The following PPARG variants were observed in gnomAD, a reference collection of about 807,000 sequenced individuals.
PPARG encodes peroxisome proliferator activated receptor gamma.
Under a neutral mutation model 39.2 loss-of-function variants are expected in PPARG, and 17 were observed. That is an observed-to-expected ratio of 0.43 (90% CI 0.30 to 0.65). The LOEUF (loss-of-function observed/expected upper bound fraction) is 0.65. Ranked by LOEUF, PPARG falls within the 30% of genes least tolerant of loss-of-function variation. The probability of loss-of-function intolerance (pLI) is 0.13; values close to 1 mark genes in which losing one functional copy is unlikely to be tolerated. For missense variants in PPARG, 406 were observed against 585.9 expected (o/e 0.69, Z 3.17); for synonymous variants, 223 against 215.7 (o/e 1.03, Z -0.30).
At chr3:12,347,304 G>A (rs796902979) in intron 2 of PPARG, among the ~76,000 whole-genome samples, 49 of 152,116 alleles carry the variant, frequency 3.2e-4, no homozygotes, top group African/African-American at 1.2e-3. Context: ...GGGCAACATA[G>A]CAAGACCCCG....
rs2051076789 is a variant in PPARG at position 12,416,839 on chromosome 3, G to A, written c.865G>A (p.Glu289Lys). The A allele has an allele frequency of 6.2e-7, 1 of 1,614,062 alleles. No individual in the cohort carries two copies. The highest frequency in any genetic ancestry group is 1.3e-5 in the African/African-American group (1 of 74,932). The change falls in exon 7 of 8, where the codon GAG (glutamate) becomes AAG (lysine). Residue 289 changes from glutamate (E) to lysine (K), a missense_variant. Physicochemically the swap from Glu to Lys is moderately conservative, Grantham distance 56. Transcript: ENST00000651735. The part of the protein sequence containing the change: ...IFQGCQFRSV[E>K]AVQEITEYAK... Reference sequence around the variant, plus strand: ...TCAGGGCTGCCAGTTTCGCTCCGTGGAGGCTGTGCAGGAGATCACAGAGTA... The same window carrying A: ...TCAGGGCTGCCAGTTTCGCTCCGTGAAGGCTGTGCAGGAGATCACAGAGTA...
At chr3:12,334,541 T>A (rs1458845292) in intron 2 of PPARG, among the ~76,000 whole-genome samples, 1 of 152,042 alleles carries the variant, frequency 6.6e-6, no homozygotes, top group Non-Finnish European at 1.5e-5. Flanking sequence ...CTGACTTGGG[T>A]TAAATTTTTA....
Position 12,398,648 on chromosome 3 carries a change from A to G in PPARG, c.529+5896A>G, listed in dbSNP as rs758392468. 2.6e-5 allele frequency among the ~76,000 whole-genome samples: 4 copies of G among 152,190 alleles called. No individual in the cohort carries two copies. In the South Asian group the frequency reaches 6.2e-4, roughly 24 times the overall value. ...GCACCATCAGAGAGATCTGGAGAGCAGCTGGCAGAATGTTAGAGGACCCAG... is the reference window on the plus strand; with the variant it reads ...GCACCATCAGAGAGATCTGGAGAGCGGCTGGCAGAATGTTAGAGGACCCAG... On this transcript the variant is annotated intron_variant, in intron 5 of 7. Coordinates refer to ENST00000651735, the MANE Select transcript of PPARG (RefSeq NM_138711.6).
intron 2 of PPARG, among the ~76,000 whole-genome samples, chr3:12,341,555 C>G (rs1006680686): frequency 1.3e-5 from 2 of 152,126 alleles, no homozygotes; most frequent in Admixed American, 6.5e-5. Flanking sequence ...TGCCTGTAAT[C>G]CCAGAACTTT....
At chr3:12,429,870 A>T (rs2051596532) in intron 7 of PPARG, among the ~76,000 whole-genome samples, 1 of 152,226 alleles carries the variant, frequency 6.6e-6, no homozygotes, top group Non-Finnish European at 1.5e-5. Flanking sequence ...CCAATTCTCC[A>T]GGCCAGGACC....
chr3:12,293,923 T>G (rs532420750), intron 1 of PPARG, among the ~76,000 whole-genome samples: 1 of 152,204 alleles, frequency 6.6e-6, no homozygotes, highest in African/African-American at 2.4e-5. Context: ...TCTTTGAATT[T>G]GAATGTCTTT....
At chr3:12,370,890 C>T (rs753926788) in intron 2 of PPARG, among the ~76,000 whole-genome samples, 2 of 152,118 alleles carry the variant, frequency 1.3e-5, no homozygotes, top group Non-Finnish European at 2.9e-5. Flanking sequence ...AATGAGTAAC[C>T]AAGAGGAGCT....
chr3:12,325,781 A>T (rs1395959634), intron 2 of PPARG, among the ~76,000 whole-genome samples: 5 of 150,234 alleles, frequency 3.3e-5, no homozygotes, highest in African/African-American at 1.2e-4. Flanking sequence ...TTGGTTTTTC[A>T]TTTGGTTGCT....
At chr3:12,288,217 A>C (rs138017766), upstream of PPARG, among the ~76,000 whole-genome samples, 1,449 of 151,580 alleles carry the variant, frequency 9.6e-3, 9 homozygotes, top group Admixed American at 0.015. Flanking sequence ...AGGCAGGGTC[A>C]TGGTCCGGCA....
At chr3:12,293,484 T>A (rs2046700652) in intron 1 of PPARG, among the ~76,000 whole-genome samples, 1 of 152,136 alleles carries the variant, frequency 6.6e-6, no homozygotes. Flanking sequence ...CTTCGCAGTT[T>A]GCCACAGGTA....
intron 1 of PPARG, among the ~76,000 whole-genome samples, chr3:12,291,661 T>G (rs2046651782): frequency 6.6e-6 from 1 of 152,224 alleles, no homozygotes; most frequent in Non-Finnish European, 1.5e-5. Flanking sequence ...TGTAGATGTT[T>G]AGATAATATC....
At chr3:12,392,267 G>A (rs940703897) in intron 4 of PPARG, among the ~76,000 whole-genome samples, 42 of 152,300 alleles carry the variant, frequency 2.8e-4, no homozygotes, top group Middle Eastern at 3.4e-3. Flanking sequence ...TTTGCAGAGA[G>A]ACTTAACTGA....
intron 2 of PPARG, among the ~76,000 whole-genome samples, chr3:12,350,786 A>G (rs948820149): frequency 6.6e-6 from 1 of 152,200 alleles, no homozygotes; most frequent in African/African-American, 2.4e-5. Flanking sequence ...TTAAACATCA[A>G]TTGATGTTCA....
At chr3:12,406,557 T>C (rs1268366291) in intron 6 of PPARG, 10 of 148,554 alleles carry the variant, frequency 6.7e-5, no homozygotes, top group African/African-American at 3.7e-4. Context: ...TTTTTTTTTT[T>C]GAGATGTCGT....
At chr3:12,310,803 A>AC (rs2047215067) in intron 1 of PPARG, among the ~76,000 whole-genome samples, 1 of 109,968 alleles carries the variant, frequency 9.1e-6, no homozygotes, top group Non-Finnish European at 2.0e-5. Context: ...AAAAAAAAAA[A>AC]AAAAAAAAAA....
chr3:12,320,316 G>A (rs919249712), intron 2 of PPARG, among the ~76,000 whole-genome samples: 4 of 152,116 alleles, frequency 2.6e-5, no homozygotes, highest in African/African-American at 9.7e-5. Context: ...AGAATGTGGT[G>A]TTTGTCTTTT....
At chr3:12,417,768 A>C (rs940441494) in intron 7 of PPARG, among the ~76,000 whole-genome samples, 5 of 152,142 alleles carry the variant, frequency 3.3e-5, no homozygotes, top group African/African-American at 1.2e-4. Context: ...CACAACATAG[A>C]AATAAATTTA....
At chr3:12,416,675 C>T in intron 6 of PPARG, 29 bp from the exon 7 acceptor site, 1 of 1,596,332 alleles carries the variant, frequency 6.3e-7, no homozygotes, top group Middle Eastern at 1.7e-4. Context: ...ATCTCCAAGT[C>T]ATCCACGTTT....
chr3:12,371,143 G>A (rs2049195899), intron 2 of PPARG, among the ~76,000 whole-genome samples: 1 of 152,012 alleles, frequency 6.6e-6, no homozygotes, highest in Non-Finnish European at 1.5e-5. Context: ...CAGCCCTATG[G>A]TAAGTGCTCT....
Sources: allele counts gnomAD v4.1 joint callset (sites outside exome capture counted in the v4.1 genomes callset), GRCh38; gene constraint gnomAD v4.1.1; transcripts MANE v1.5; gene names NCBI Gene and HGNC (gene_info 2026-07-23, HGNC 2026-07-21).